PDZD2: variants seen among roughly 807,000 people sequenced by gnomAD.
PDZD2 encodes PDZ domain containing 2.
A neutral mutation model predicts 220.7 loss-of-function variants in PDZD2; 90 were observed. That is an observed-to-expected ratio of 0.41 (90% CI 0.34 to 0.49). The LOEUF (loss-of-function observed/expected upper bound fraction) is 0.49. Ranked by LOEUF, PDZD2 falls within the 20% of genes least tolerant of loss-of-function variation. The probability of loss-of-function intolerance (pLI) is 0.28; values close to 1 mark genes in which losing one functional copy is unlikely to be tolerated. For missense variants in PDZD2, 3,174 were observed against 3,608.5 expected (o/e 0.88, Z 3.08); for synonymous variants, 1,375 against 1,450.5 (o/e 0.95, Z 1.18).
chr5:31,670,354 G>A (rs1230747647), intron 1 of PDZD2, among the ~76,000 whole-genome samples: 1 of 152,186 alleles, frequency 6.6e-6, no homozygotes, highest in Non-Finnish European at 1.5e-5. Context: ...CTGTGCCCAG[G>A]AGGTAGCTAA....
At chr5:32,049,192 T>C (rs767966287) in intron 8 of PDZD2, among the ~76,000 whole-genome samples, 23 of 152,098 alleles carry the variant, frequency 1.5e-4, no homozygotes, top group Non-Finnish European at 2.8e-4. Context: ...AAGTTGATGT[T>C]ACAGAACCTG....
chr5:31,786,213 C>T (rs1429935377), intron 1 of PDZD2, among the ~76,000 whole-genome samples: 1 of 152,146 alleles, frequency 6.6e-6, no homozygotes, highest in Non-Finnish European at 1.5e-5. Context: ...TCATTCTCTG[C>T]ATCAGGCACT....
At chr5:32,066,739 G>A (rs1740245471) in intron 14 of PDZD2, among the ~76,000 whole-genome samples, 1 of 152,212 alleles carries the variant, frequency 6.6e-6, no homozygotes, top group African/African-American at 2.4e-5. Context: ...GTCATGATTT[G>A]TTCAGAGGTC....
chr5:31,839,916 T>TC (rs1284284690), intron 2 of PDZD2, among the ~76,000 whole-genome samples: 4 of 152,116 alleles, frequency 2.6e-5, no homozygotes, highest in African/African-American at 9.7e-5. Context: ...CACGTTTGCT[T>TC]CCCCTTCTGC....
chr5:31,678,000 A>G (rs942895473), intron 1 of PDZD2, among the ~76,000 whole-genome samples: 1 of 152,214 alleles, frequency 6.6e-6, no homozygotes, highest in African/African-American at 2.4e-5. Context: ...ATATATAACC[A>G]TATGTAAAGA....
At chr5:31,976,001 C>T (rs1340352320) in intron 2 of PDZD2, among the ~76,000 whole-genome samples, 1 of 151,746 alleles carries the variant, frequency 6.6e-6, no homozygotes, top group African/African-American at 2.4e-5. Flanking sequence ...CACTATGCTG[C>T]TCAGGCTGGG....
rs144735483 is a variant in PDZD2 at position 32,088,056 on chromosome 5, C to T, written c.4608C>T (p.Ser1536=). The T allele has an allele frequency of 8.8e-5, 142 of 1,614,036 alleles. 1 individual carries two copies. The African/African-American group carries it at 1.6e-3, about 18-fold the overall frequency. Residue 1536 remains serine (S), a synonymous_variant, in exon 20 of 25, where the codon TCC becomes TCT. Transcript: ENST00000438447. The surrounding 1 kb of genome is among the most constrained non-coding windows in gnomAD (Gnocchi z 4.6). ...GCAGTTTTCATGAAGACAGCACCTCCCTATCAGGCCTGGGTGACAGCACGG... is the reference window on the plus strand; with the variant it reads ...GCAGTTTTCATGAAGACAGCACCTCTCTATCAGGCCTGGGTGACAGCACGG... ...NFSSFHEDST[S]LSGLGDSTEP... is the part of the protein sequence containing the mutation.
At chr5:31,882,582 A>G (rs1426777489) in intron 2 of PDZD2, among the ~76,000 whole-genome samples, 3 of 152,222 alleles carry the variant, frequency 2.0e-5, no homozygotes, top group Non-Finnish European at 2.9e-5. Context: ...TGGACCAGCT[A>G]TTCTAGCAAA....
At chr5:31,986,470 AAGT>A (rs945762847) in intron 3 of PDZD2, among the ~76,000 whole-genome samples, 1 of 152,126 alleles carries the variant, frequency 6.6e-6, no homozygotes, top group African/African-American at 2.4e-5. Flanking sequence ...GGTTGGCAAA[AAGT>A]AGATTTTCAC....
intron 2 of PDZD2, among the ~76,000 whole-genome samples, chr5:31,878,388 C>T (rs765134889): frequency 6.6e-6 from 1 of 151,916 alleles, no homozygotes. Flanking sequence ...AAGCACTATT[C>T]TCTTTTTCTG....
At chr5:31,677,174 T>G (rs1746463069) in intron 1 of PDZD2, among the ~76,000 whole-genome samples, 1 of 152,172 alleles carries the variant, frequency 6.6e-6, no homozygotes, top group African/African-American at 2.4e-5. Context: ...AAGGGTTGCA[T>G]TACTGTCAAG....
At chr5:32,070,605 C>A (rs1357868115) in intron 15 of PDZD2, among the ~76,000 whole-genome samples, 1 of 152,238 alleles carries the variant, frequency 6.6e-6, no homozygotes, top group Non-Finnish European at 1.5e-5. Context: ...CTTCTCAGTT[C>A]TTTCATGAGT....
intron 24 of PDZD2, 87 bp from the exon 25 acceptor site, chr5:32,107,882 T>TATC (rs1016005978): frequency 2.7e-6 from 2 of 744,472 alleles, no homozygotes; most frequent in Admixed American, 2.5e-5. Context: ...TAGATATTTT[T>TATC]ATCACTTAAA....
intron 1 of PDZD2, among the ~76,000 whole-genome samples, chr5:31,782,616 A>G (rs923038475): frequency 6.6e-6 from 1 of 151,972 alleles, no homozygotes. Context: ...CTTGGGAATC[A>G]GAATCTCTAA....
chr5:31,748,422 G>T (rs79132939), intron 1 of PDZD2, among the ~76,000 whole-genome samples: 13,616 of 152,186 alleles, frequency 0.089, 979 homozygotes, highest in East Asian at 0.35. Context: ...CCAAATCAGT[G>T]GTCATCAAGC....
intron 2 of PDZD2, among the ~76,000 whole-genome samples, chr5:31,848,324 T>G (rs1757709246): frequency 6.6e-6 from 1 of 152,246 alleles, no homozygotes; most frequent in African/African-American, 2.4e-5. Flanking sequence ...AGCATTTGTA[T>G]TCATTCATTC....
At chr5:31,789,040 T>C (rs903653983) in intron 1 of PDZD2, among the ~76,000 whole-genome samples, 19 of 152,226 alleles carry the variant, frequency 1.2e-4, no homozygotes, top group African/African-American at 4.6e-4. Flanking sequence ...TATTCAGCTA[T>C]AACAGAATAT....
At chr5:31,795,318 C>G (rs1323951860) in intron 1 of PDZD2, among the ~76,000 whole-genome samples, 1 of 152,046 alleles carries the variant, frequency 6.6e-6, no homozygotes, top group Non-Finnish European at 1.5e-5. Flanking sequence ...AGACAGGATC[C>G]AAGAAAGTTG....
intron 1 of PDZD2, among the ~76,000 whole-genome samples, chr5:31,748,504 A>G (rs6862891): frequency 0.41 from 61,884 of 151,978 alleles, 13,024 homozygotes; most frequent in East Asian, 0.47. Context: ...AGCTGCTCTC[A>G]TTGAACCTTC....
Sources: allele counts gnomAD v4.1 joint callset (sites outside exome capture counted in the v4.1 genomes callset), GRCh38; gene constraint gnomAD v4.1.1; non-coding constraint Gnocchi (gnomAD v3.1); transcripts MANE v1.5; gene names NCBI Gene and HGNC (gene_info 2026-07-23, HGNC 2026-07-21).